Variants in UNC5B observed in about 807,000 individuals in gnomAD.
The protein encoded by UNC5B is netrin receptor UNC5B.
Under a neutral mutation model 103.7 loss-of-function variants are expected in UNC5B, and 56 were observed. The ratio of observed to expected loss-of-function variants is 0.54; its 90% CI spans 0.44 to 0.67. The LOEUF (loss-of-function observed/expected upper bound fraction) is 0.67. Ranked by LOEUF, UNC5B falls within the 30% of genes least tolerant of loss-of-function variation. The pLI is 0.00. For synonymous variants in UNC5B, 577 were observed against 542.0 expected (o/e 1.06, Z -0.90); for missense variants, 1,194 against 1,284.5 (o/e 0.93, Z 1.08).
chr10:71,212,872 C>T lies in UNC5B; in HGVS notation c.-114C>T. On this transcript the variant is annotated 5_prime_UTR_variant, in exon 1 of 17. Transcript: ENST00000335350. The stretch of plus-strand genomic sequence containing the variant: ...CACGGAAGGCACGGGCTGGCGCTGC[C>T]GGGCGCCGGGGAGGACGGCGAGGAG... The T allele has an allele frequency of 3.4e-6, 3 of 884,470 alleles. No homozygotes were observed. The highest frequency in any genetic ancestry group is 1.5e-6 in the Non-Finnish European group (1 of 672,358). The allele number at this position is 884,470 out of a possible 1,614,324, so 54.8% of individuals were successfully genotyped here.
At chr10:71,222,956 G>A (rs1843480920) in intron 1 of UNC5B, among the ~76,000 whole-genome samples, 2 of 152,222 alleles carry the variant, frequency 1.3e-5, no homozygotes, top group East Asian at 3.8e-4. Flanking sequence ...AGTTGTCCCT[G>A]ACCCCCTCCC....
In UNC5B at chr10:71,291,806, A is replaced by C; in HGVS notation, c.1669A>C (p.Ser557Arg). 6.3e-7 allele frequency: 1 copy of C among 1,598,954 alleles called. No individual in the cohort carries two copies. Among genetic ancestry groups the C allele is most frequent in the Non-Finnish European group, 8.5e-7 (1 of 1,177,264 alleles). Residue 557 changes from serine (S) to arginine (R), a missense_variant, in exon 10 of 17, where the codon AGC becomes CGC. Physicochemically the swap from Ser to Arg is moderately radical, Grantham distance 110. Transcript: ENST00000335350. ...GTFGCLGGRL[S>R]IPGTGVSLLV... ...CTTTGGCTGCCTGGGTGGGAGGCTC[A>C]GCATCCCCGGCACAGGTGAGCCCCT...
At chr10:71,244,500 T>C (rs1170319610) in intron 1 of UNC5B, among the ~76,000 whole-genome samples, 2 of 152,344 alleles carry the variant, frequency 1.3e-5, no homozygotes, top group East Asian at 3.9e-4. Flanking sequence ...AAGAGTCATA[T>C]CCTTCTTACA....
At chr10:71,274,562 G>A (rs1014330879) in intron 1 of UNC5B, among the ~76,000 whole-genome samples, 6 of 152,102 alleles carry the variant, frequency 3.9e-5, no homozygotes, top group African/African-American at 1.4e-4. Flanking sequence ...GACGTTGGAT[G>A]AGATGGCCCT....
chr10:71,289,011 G>A (rs1845175519), intron 8 of UNC5B, 21 bp downstream of exon 8: 4 of 1,614,064 alleles, frequency 2.5e-6, no homozygotes, highest in African/African-American at 1.3e-5. Flanking sequence ...TTTCATGGCT[G>A]TCCTCTTTCC....
chr10:71,216,685 G>A (rs1843335605), intron 1 of UNC5B, among the ~76,000 whole-genome samples: 1 of 152,192 alleles, frequency 6.6e-6, no homozygotes, highest in African/African-American at 2.4e-5. Context: ...AGTTTCTCCT[G>A]GACCGCAGGT....
In UNC5B at chr10:71,302,024, C is replaced by T. The variant is rs1046128449; in HGVS notation, c.*2747C>T. 6.6e-6 allele frequency: 1 copy of T among 152,238 alleles called. No homozygotes were observed. Among genetic ancestry groups the T allele is most frequent in the East Asian group, 1.9e-4 (1 of 5,192 alleles). 9.4% of individuals were successfully genotyped at this position (152,238 alleles called of 1,614,324 possible). A position where few individuals can be genotyped will look rare whatever the true frequency, so the allele number is the denominator to read the frequency against. On this transcript the variant is annotated 3_prime_UTR_variant, in exon 17 of 17. Coordinates refer to ENST00000335350, the MANE Select transcript of UNC5B (RefSeq NM_170744.5). ...GTGCACCATGTCCTAGAGCACAGAC[C>T]CATTGGCTGGAGCCTCCTGGGAGGG...
At chr10:71,272,413 G>T (rs1002613670) in intron 1 of UNC5B, among the ~76,000 whole-genome samples, 4 of 152,160 alleles carry the variant, frequency 2.6e-5, no homozygotes, top group African/African-American at 9.7e-5. Flanking sequence ...AGCGGTGGGG[G>T]TTTCAAGGCC....
intron 1 of UNC5B, among the ~76,000 whole-genome samples, chr10:71,222,946 AG>A (rs1843480717): frequency 6.6e-6 from 1 of 152,212 alleles, no homozygotes; most frequent in Non-Finnish European, 1.5e-5. Context: ...ATTCCAGGAA[AG>A]TTGTCCCTGA....
chr10:71,218,392 T>G (rs887230459), intron 1 of UNC5B, among the ~76,000 whole-genome samples: 1 of 152,218 alleles, frequency 6.6e-6, no homozygotes, highest in Non-Finnish European at 1.5e-5. Flanking sequence ...GGAAGCTCCA[T>G]CCATTGTATT....
At chr10:71,282,053 A>G (rs1844943717) in intron 2 of UNC5B, among the ~76,000 whole-genome samples, 1 of 150,494 alleles carries the variant, frequency 6.6e-6, no homozygotes. Context: ...TGTGATTATT[A>G]CTAATAGTAA....
chr10:71,226,596 T>C (rs1049453647), intron 1 of UNC5B, among the ~76,000 whole-genome samples: 3 of 152,368 alleles, frequency 2.0e-5, no homozygotes, highest in South Asian at 4.1e-4. Context: ...TGGAATCAGA[T>C]AATACTTGGA....
At position 71,288,440 on chromosome 10, in the gene UNC5B, G is replaced by A; in HGVS notation, c.902-128G>A. The A allele has an allele frequency of 2.2e-6, 3 of 1,365,048 alleles. No homozygotes were observed. In the South Asian group the frequency reaches 4.2e-5, roughly 19 times the overall value. The allele number at this position is 1,365,048 out of a possible 1,614,324, so 84.6% of individuals were successfully genotyped here. On this transcript the variant is annotated intron_variant, in intron 6 of 16. Coordinates refer to ENST00000335350, the MANE Select transcript of UNC5B (RefSeq NM_170744.5). The stretch of plus-strand genomic sequence containing the variant: ...TCTCTGTGTGGCACACATGTGTTCT[G>A]GGTTCCTCATTTCCTTCCATGGTGT...
intron 1 of UNC5B, among the ~76,000 whole-genome samples, chr10:71,258,103 T>C (rs1278997235): frequency 6.6e-6 from 1 of 152,220 alleles, no homozygotes; most frequent in Non-Finnish European, 1.5e-5. Flanking sequence ...TAGGGACTGT[T>C]AGCCCATTTT....
rs1446710864 is a variant in UNC5B at position 71,292,460 on chromosome 10, C to T, written c.1685-7C>T. On this transcript the variant is annotated splice_region_variant and splice_polypyrimidine_tract_variant and intron_variant, in intron 10 of 16. Transcript: ENST00000335350. The stretch of plus-strand genomic sequence containing the variant: ...TGGACTCCCTGCTGACTTCCCTCTC[C>T]CCCTAGGGGTCAGCTTGCTGGTGCC... The T allele has an allele frequency of 1.1e-5, 18 of 1,586,346 alleles. No individual in the cohort carries two copies. Among genetic ancestry groups the T allele is most frequent in the Non-Finnish European group, 1.4e-5 (16 of 1,165,408 alleles).
intron 1 of UNC5B, among the ~76,000 whole-genome samples, chr10:71,264,496 G>A (rs982562432): frequency 6.6e-6 from 1 of 152,188 alleles, no homozygotes; most frequent in Non-Finnish European, 1.5e-5. Flanking sequence ...TCCTGATTCC[G>A]GCTCAGATAG....
chr10:71,262,060 C>T (rs78747281), intron 1 of UNC5B, among the ~76,000 whole-genome samples: 9,632 of 152,044 alleles, frequency 0.063, 596 homozygotes, highest in East Asian at 0.18. Flanking sequence ...CCAGACTGTT[C>T]GCTCTCAACT....
intron 1 of UNC5B, among the ~76,000 whole-genome samples, chr10:71,271,036 G>T (rs1490781139): frequency 2.0e-5 from 3 of 152,160 alleles, no homozygotes; most frequent in Non-Finnish European, 2.9e-5. Context: ...GTCACTGAGT[G>T]GGGGGCCAGG....
intron 1 of UNC5B, among the ~76,000 whole-genome samples, chr10:71,253,255 A>AAT (rs1006374776): frequency 8.5e-5 from 13 of 152,140 alleles, no homozygotes; most frequent in African/African-American, 3.1e-4. Flanking sequence ...CCTGCCATTA[A>AAT]AGGGGGCCAC....
Sources: gnomAD v4.1 joint callset for allele counts (sites outside exome capture counted in the v4.1 genomes callset) on GRCh38, gnomAD v4.1.1 for gene constraint, MANE v1.5 for transcripts, NCBI Gene and HGNC (gene_info 2026-07-23, HGNC 2026-07-21) for gene names.